Variants in GOLGA6L22 observed in about 807,000 individuals in gnomAD.
GOLGA6L22 encodes the protein golgin subfamily A member 6-like protein 22.
GOLGA6L22 carries 28 observed loss-of-function variants against 77.1 expected under a neutral mutation model. That is an observed-to-expected ratio of 0.36 (90% CI 0.27 to 0.50). The LOEUF (loss-of-function observed/expected upper bound fraction) is 0.50, where lower values mean the gene tolerates loss of function less well. Ranked by LOEUF, GOLGA6L22 falls within the 20% of genes least tolerant of loss-of-function variation. The probability of loss-of-function intolerance (pLI) is 0.97; values close to 1 mark genes in which losing one functional copy is unlikely to be tolerated. For synonymous variants in GOLGA6L22, 62 were observed against 185.3 expected (o/e 0.33, Z 5.41); for missense variants, 250 against 620.4 (o/e 0.40, Z 6.34).
chr15:22,468,953 C>T (rs1457062330), exon 9 of GOLGA6L22: 11 of 127,310 alleles, frequency 8.6e-5, no homozygotes, highest in African/African-American at 3.8e-4. Context: ...ATGGAACCCA[C>T]CTCCTTTGAA....
At chr15:22,463,089 A>G (rs1235999938) in intron 5 of GOLGA6L22, among the ~76,000 whole-genome samples, 2 of 133,086 alleles carry the variant, frequency 1.5e-5, no homozygotes, top group African/African-American at 6.5e-5. Flanking sequence ...CCCAGCTCCA[A>G]GTGATCTTAG....
Position 22,466,328 on chromosome 15 carries a change from A to G in GOLGA6L22, c.1936A>G (p.Ile646Val), listed in dbSNP as rs1887716945. ...GAAGATATGGGAGCAGGAGGAGAAG[A>G]TACGAGAGCAGGAGGAGATGATGCA... Residue 646 changes from isoleucine to valine, a missense_variant, in exon 8 of 9, where the codon ATA (isoleucine) becomes GTA (valine). Ile to Val is a conservative substitution (Grantham distance 29, BLOSUM62 3). Transcript: ENST00000622895. 4 of 1,222,860 alleles carry G rather than the reference A, an allele frequency of 3.3e-6. No individual in the cohort carries two copies. The South Asian group carries it at 4.1e-5, about 13-fold the overall frequency. The allele number at this position is 1,222,860 out of a possible 1,614,324, so 75.8% of individuals were successfully genotyped here. A position where few individuals can be genotyped will look rare whatever the true frequency, so the allele number is the denominator to read the frequency against.
chr15:22,466,634 G>C (rs761248301), exon 8 of GOLGA6L22: 3 of 535,076 alleles, frequency 5.6e-6, no homozygotes, highest in African/African-American at 3.2e-5. Flanking sequence ...ACGGGAGCAG[G>C]AGGAGAAGAT....
At chr15:22,469,067 T>G (rs1887783055) in exon 9 of GOLGA6L22, 1 of 127,274 alleles carries the variant, frequency 7.9e-6, no homozygotes, top group Non-Finnish European at 1.6e-5. Flanking sequence ...GGTACTGGAT[T>G]CTGGCCGCCC....
At chr15:22,466,022 G>A in exon 8 of GOLGA6L22, 1 of 808,574 alleles carries the variant, frequency 1.2e-6, no homozygotes. Context: ...GAAGATACGG[G>A]AGCAGGAGGA....
rs1303518584 is a variant in GOLGA6L22, at chr15:22,464,737, C to T, written c.634-289C>T. The stretch of plus-strand genomic sequence containing the variant: ...AATCTCGGCTCACTGCAAGCTCCAA[C>T]CCCGGCTTCACGCCATTCTCCTGCC... On this transcript the variant is annotated intron_variant, in intron 7 of 8. Coordinates refer to ENST00000622895, the Ensembl canonical transcript of GOLGA6L22. Among the ~76,000 whole-genome samples, 21 of 131,114 alleles carry T rather than the reference C, an allele frequency of 1.6e-4. 5 individuals carry two copies. Among genetic ancestry groups the T allele is most frequent in the African/African-American group, 4.3e-4 (13 of 30,366 alleles). 86.0% of individuals were successfully genotyped at this position (131,114 alleles called of 152,430 possible).
chr15:22,468,995 C>T (rs1448263096), exon 9 of GOLGA6L22: 4 of 133,566 alleles, frequency 3.0e-5, no homozygotes, highest in African/African-American at 1.3e-4. Context: ...CCAGAAAGTT[C>T]TCCTGTGCTT....
At chr15:22,465,705 A>T in exon 8 of GOLGA6L22, 1 of 1,128,230 alleles carries the variant, frequency 8.9e-7, no homozygotes. Flanking sequence ...TGGAGGCAGG[A>T]GGAGAAGATG....
In GOLGA6L22 at chr15:22,461,965, T is replaced by C. The variant is rs1054737863; in HGVS notation, c.181-69T>C. The C allele has an allele frequency of 1.6e-5, 23 of 1,417,732 alleles. 2 individuals carry two copies. Among genetic ancestry groups the C allele is most frequent in the Non-Finnish European group, 2.1e-5 (22 of 1,056,984 alleles). The allele number at this position is 1,417,732 out of a possible 1,614,324, so 87.8% of individuals were successfully genotyped here. ...CTGTTCTGGGACAGTGGTGCCATTC[T>C]GGGGGCATGTCTCTTGCTGTGGATC... On this transcript the variant is annotated intron_variant, in intron 2 of 8. Coordinates refer to ENST00000622895, the Ensembl canonical transcript of GOLGA6L22.
chr15:22,461,974 G>A, intron 2 of GOLGA6L22, 60 bp from the exon 3 acceptor site: 1 of 1,438,388 alleles, frequency 7.0e-7, no homozygotes, highest in South Asian at 1.3e-5. Context: ...CTGGGGGCAT[G>A]TCTCTTGCTG....
exon 8 of GOLGA6L22, chr15:22,466,078 G>C: frequency 1.0e-6 from 1 of 966,114 alleles, no homozygotes; most frequent in East Asian, 2.8e-5. Context: ...AGGAGGAGAA[G>C]ATAAGGGAGC....
At chr15:22,465,724 G>T in exon 8 of GOLGA6L22, 1 of 1,238,830 alleles carries the variant, frequency 8.1e-7, no homozygotes, top group East Asian at 2.6e-5. Context: ...TGCACGACCA[G>T]GAGGAGAAGA....
intron 2 of GOLGA6L22, 31 bp downstream of exon 2, chr15:22,460,979 C>CCTCTGTCCCCAGG: frequency 7.2e-7 from 1 of 1,382,766 alleles, no homozygotes; most frequent in Non-Finnish European, 9.8e-7. Flanking sequence ...CTCCTGGGGA[C>CCTCTGTCCCCAGG]AGAGGGCCCA....
intron 5 of GOLGA6L22, among the ~76,000 whole-genome samples, chr15:22,463,312 A>G (rs1887580115): frequency 1.3e-5 from 2 of 148,900 alleles, no homozygotes; most frequent in East Asian, 1.9e-4. Flanking sequence ...CCAGCTCTAA[A>G]TTCAATCTCT....
intron 5 of GOLGA6L22, among the ~76,000 whole-genome samples, chr15:22,463,618 T>G (rs1366054825): frequency 3.2e-5 from 4 of 126,564 alleles, no homozygotes; most frequent in Non-Finnish European, 6.6e-5. Flanking sequence ...GCCATTGCAC[T>G]CCAGTGAGGG....
At position 22,462,012 on chromosome 15, in the gene GOLGA6L22, C is replaced by T. The variant is rs1376321299; in HGVS notation, c.181-22C>T. The stretch of plus-strand genomic sequence containing the variant: ...GATCTCTGCCTACCCCTAGTAAGAG[C>T]TCTGTTTTCCTCTTTCTATAGGAAC... On this transcript the variant is annotated intron_variant, in intron 2 of 8. Transcript: ENST00000622895. The T allele has an allele frequency of 7.5e-6, 11 of 1,464,188 alleles. 3 individuals carry two copies. In the East Asian group the frequency reaches 1.4e-4, roughly 19 times the overall value. 90.7% of individuals were successfully genotyped at this position (1,464,188 alleles called of 1,614,324 possible). A position where few individuals can be genotyped will look rare whatever the true frequency, so the allele number is the denominator to read the frequency against.
chr15:22,461,902 C>A (rs1168039732), intron 2 of GOLGA6L22, 132 bp from the exon 3 acceptor site: 5 of 858,300 alleles, frequency 5.8e-6, no homozygotes, highest in African/African-American at 2.5e-5. Context: ...CCACCCCATC[C>A]CCACAGGGTC....
intron 5 of GOLGA6L22, among the ~76,000 whole-genome samples, chr15:22,463,341 T>A (rs567348974): frequency 0.014 from 2,097 of 145,202 alleles, 8 homozygotes; most frequent in African/African-American, 0.054. Flanking sequence ...CCCTTCCACA[T>A]CCACTGAGTT....
chr15:22,463,294 CCT>C (rs1313019204), intron 5 of GOLGA6L22, among the ~76,000 whole-genome samples: 4 of 149,400 alleles, frequency 2.7e-5, no homozygotes, highest in African/African-American at 5.0e-5. Flanking sequence ...GCTCTGGGCC[CCT>C]GTTAGCCAGC....
Sources: gnomAD v4.1 joint callset for allele counts (sites outside exome capture counted in the v4.1 genomes callset) on GRCh38, gnomAD v4.1.1 for gene constraint, MANE v1.5 for transcripts, NCBI Gene and HGNC (gene_info 2026-07-23, HGNC 2026-07-21) for gene names.